ASTN1: variants seen among roughly 807,000 people sequenced by gnomAD.
ASTN1 encodes astrotactin 1, also known as astrotactin-1.
A neutral mutation model predicts 140.7 loss-of-function variants in ASTN1; 41 were observed. That is an observed-to-expected ratio of 0.29 (90% confidence interval 0.23 to 0.38). ASTN1 has a LOEUF of 0.38. Among genes scored for constraint, ASTN1 ranks in the 10% least tolerant of loss-of-function variants. The probability of loss-of-function intolerance (pLI) is 1.00; values close to 1 mark genes in which losing one functional copy is unlikely to be tolerated. For missense variants in ASTN1, 1,479 were observed against 1,678.8 expected, an observed-to-expected ratio of 0.88 and a Z score of 2.08; for synonymous variants, 640 against 652.2, an observed-to-expected ratio of 0.98 and a Z score of 0.29.
chr1:177,056,768 A>G (rs982412420), intron 2 of ASTN1, among the ~76,000 whole-genome samples: 1 of 152,164 alleles, frequency 6.6e-6, no homozygotes, highest in Non-Finnish European at 1.5e-5. Flanking sequence ...TAAGAAGAAA[A>G]ATGTACACTG....
chr1:176,963,645 G>C (rs139084042), intron 9 of ASTN1, among the ~76,000 whole-genome samples: 59 of 152,272 alleles, frequency 3.9e-4, no homozygotes, highest in African/African-American at 1.4e-3. Context: ...TGCAGGTTTT[G>C]CTTGAATAGC....
At chr1:176,874,729 T>A (rs1000672882) in intron 21 of ASTN1, among the ~76,000 whole-genome samples, 1 of 152,106 alleles carries the variant, frequency 6.6e-6, no homozygotes. Context: ...CACTGGGTGG[T>A]TTTTTTCTAT....
At chr1:176,897,751 G>A (rs913207325) in intron 16 of ASTN1, among the ~76,000 whole-genome samples, 1 of 152,140 alleles carries the variant, frequency 6.6e-6, no homozygotes, top group East Asian at 1.9e-4. Context: ...GAGGGGCATA[G>A]ATGATGACAG....
intron 1 of ASTN1, among the ~76,000 whole-genome samples, chr1:177,153,071 TA>T (rs908914251): frequency 6.6e-6 from 1 of 152,110 alleles, no homozygotes; most frequent in African/African-American, 2.4e-5. Context: ...CACCACTTAT[TA>T]AAATTTGATC....
chr1:176,961,972 C>T (rs1672684583), intron 9 of ASTN1, among the ~76,000 whole-genome samples: 1 of 152,220 alleles, frequency 6.6e-6, no homozygotes, highest in Non-Finnish European at 1.5e-5. Context: ...GAGGCAAACA[C>T]TCACCAGAGA....
At chr1:177,047,875 C>T (rs886242521) in intron 2 of ASTN1, among the ~76,000 whole-genome samples, 6 of 152,064 alleles carry the variant, frequency 3.9e-5, no homozygotes, top group East Asian at 1.9e-4. Context: ...AATGAAAATG[C>T]GCTACTTGTT....
At chr1:176,858,131 G>A (rs1557915037), downstream of ASTN1, among the ~76,000 whole-genome samples, 1 of 152,076 alleles carries the variant, frequency 6.6e-6, no homozygotes, top group Non-Finnish European at 1.5e-5. Flanking sequence ...GGCAGATTTG[G>A]TGAAGAAACA....
intron 1 of ASTN1, among the ~76,000 whole-genome samples, chr1:177,111,692 G>C (rs1042334377): frequency 6.6e-6 from 1 of 152,282 alleles, no homozygotes; most frequent in Non-Finnish European, 1.5e-5. Context: ...AGACTGGTAC[G>C]AGAGTTTAAG....
intron 20 of ASTN1, among the ~76,000 whole-genome samples, chr1:176,881,136 T>G (rs1157811079): frequency 1.3e-5 from 2 of 152,200 alleles, no homozygotes; most frequent in South Asian, 2.1e-4. Context: ...GGAATGTCAC[T>G]CCTGGCCTCC....
At chr1:176,942,172 C>T (rs1162499693) in intron 14 of ASTN1, among the ~76,000 whole-genome samples, 1 of 152,104 alleles carries the variant, frequency 6.6e-6, no homozygotes, top group African/African-American at 2.4e-5. Flanking sequence ...ACATAGATCC[C>T]ACTATGGGTC....
At chr1:177,123,721 GTTAC>G (rs1414532485) in intron 1 of ASTN1, among the ~76,000 whole-genome samples, 1 of 152,080 alleles carries the variant, frequency 6.6e-6, no homozygotes, top group Non-Finnish European at 1.5e-5. Flanking sequence ...ACAGACAGCA[GTTAC>G]TTACTGCAAA....
At chr1:177,055,204 CGT>C (rs1020735332) in intron 2 of ASTN1, among the ~76,000 whole-genome samples, 1 of 152,200 alleles carries the variant, frequency 6.6e-6, no homozygotes, top group Non-Finnish European at 1.5e-5. Flanking sequence ...GTAAATCCAG[CGT>C]GTCTTTCTGC....
chr1:176,970,764 T>C (rs1188827751), intron 8 of ASTN1, among the ~76,000 whole-genome samples: 1 of 128,676 alleles, frequency 7.8e-6, no homozygotes, highest in Admixed American at 7.7e-5. Context: ...GTGTGTGTAT[T>C]CTCTTTGATA....
At chr1:177,094,950 T>C (rs1266973549) in intron 1 of ASTN1, among the ~76,000 whole-genome samples, 1 of 152,096 alleles carries the variant, frequency 6.6e-6, no homozygotes, top group Non-Finnish European at 1.5e-5. Flanking sequence ...TCTGATGAGG[T>C]CTCAAATAGA....
At chr1:176,965,135 A>G (rs772064161) in intron 9 of ASTN1, 28 bp downstream of exon 9, 9 of 1,606,348 alleles carry the variant, frequency 5.6e-6, no homozygotes, top group Non-Finnish European at 7.7e-6. Context: ...GCAGACGTAC[A>G]TAAGCAAGTC....
chr1:176,936,165 T>A (rs1385548147), intron 15 of ASTN1, 101 bp downstream of exon 15: 2 of 1,015,278 alleles, frequency 2.0e-6, no homozygotes, highest in South Asian at 2.6e-5. Flanking sequence ...ATAGCTACAT[T>A]TTAGGCTGCA....
intron 11 of ASTN1, among the ~76,000 whole-genome samples, chr1:176,953,828 A>G (rs183317876): frequency 2.0e-5 from 3 of 152,318 alleles, no homozygotes; most frequent in Admixed American, 1.3e-4. Flanking sequence ...CTCCCCTTCC[A>G]TGGCACAGGC....
intron 16 of ASTN1, among the ~76,000 whole-genome samples, chr1:176,897,322 C>T (rs1221040612): frequency 6.6e-6 from 1 of 151,214 alleles, no homozygotes. Context: ...TCCCGGCCCC[C>T]CCACCAAAAA....
At chr1:177,145,915 C>G (rs1682700957) in intron 1 of ASTN1, among the ~76,000 whole-genome samples, 1 of 152,190 alleles carries the variant, frequency 6.6e-6, no homozygotes, top group African/African-American at 2.4e-5. Context: ...ATCTTGGCCT[C>G]TGCAATCCTT....
Sources: allele counts gnomAD v4.1 joint callset (sites outside exome capture counted in the v4.1 genomes callset), GRCh38; gene constraint gnomAD v4.1.1; transcripts MANE v1.5; gene names NCBI Gene and HGNC (gene_info 2026-07-23, HGNC 2026-07-21).